Variants in SCUBE2 observed in about 807,000 individuals in gnomAD.
SCUBE2 encodes signal peptide, CUB and EGF-like domain-containing protein 2.
A neutral mutation model predicts 125.9 loss-of-function variants in SCUBE2; 114 were observed. The observed-to-expected ratio is 0.91, with a 90% CI of 0.78 to 1.06. The LOEUF (loss-of-function observed/expected upper bound fraction) is 1.06, where lower values mean the gene tolerates loss of function less well. Ranked by LOEUF, SCUBE2 falls within the 50% of genes least tolerant of loss-of-function variation. SCUBE2 has a pLI of 0.00. For synonymous variants in SCUBE2, 459 were observed against 492.9 expected (o/e 0.93, Z 0.91); for missense variants, 1,255 against 1,301.8 (o/e 0.96, Z 0.55).
chr11:9,054,393 C>A (rs60719227), intron 10 of SCUBE2, among the ~76,000 whole-genome samples: 3,738 of 152,156 alleles, frequency 0.025, 166 homozygotes, highest in African/African-American at 0.085. Context: ...ACTGCACAGA[C>A]TTCTATTTTA....
intron 16 of SCUBE2, among the ~76,000 whole-genome samples, chr11:9,040,026 T>G (rs1857075619): frequency 6.6e-6 from 1 of 152,174 alleles, no homozygotes; most frequent in African/African-American, 2.4e-5. Context: ...TGGGCGCATC[T>G]TCTGCTCCTA....
intron 3 of SCUBE2, among the ~76,000 whole-genome samples, chr11:9,078,547 C>G (rs1157444754): frequency 1.3e-5 from 2 of 152,204 alleles, no homozygotes; most frequent in African/African-American, 2.4e-5. Flanking sequence ...TCCTACCACA[C>G]CATAAGGGGG....
intron 10 of SCUBE2, among the ~76,000 whole-genome samples, chr11:9,055,337 C>A (rs1330517289): frequency 1.3e-5 from 2 of 152,212 alleles, no homozygotes; most frequent in African/African-American, 2.4e-5. Context: ...CTGCTTCCAG[C>A]TCAAAGACCT....
chr11:9,025,600 C>CT (rs1236055280), intron 21 of SCUBE2, 102 bp downstream of exon 21: 11 of 1,425,478 alleles, frequency 7.7e-6, no homozygotes, highest in African/African-American at 1.4e-5. Flanking sequence ...TCTTGCCTGC[C>CT]TTTCTGAGCA....
chr11:9,071,053 C>T (rs1266282625), intron 4 of SCUBE2, among the ~76,000 whole-genome samples: 4 of 152,162 alleles, frequency 2.6e-5, no homozygotes, highest in African/African-American at 7.2e-5. Flanking sequence ...ACTGAGATGG[C>T]GCGGGAGGTG....
At chr11:9,059,222 G>T in intron 9 of SCUBE2, 81 bp downstream of exon 9, 1 of 1,524,660 alleles carries the variant, frequency 6.6e-7, no homozygotes, top group Non-Finnish European at 8.9e-7. Flanking sequence ...TGATAAGCCA[G>T]TCTCTGCCAG....
rs375812318 is a variant in SCUBE2 at position 9,079,390 on chromosome 11, A to G, written c.376T>C (p.Cys126Arg). 1 of 1,613,946 alleles carries G rather than the reference A, an allele frequency of 6.2e-7. No individual in the cohort carries two copies. Among genetic ancestry groups the G allele is most frequent in the Non-Finnish European group, 8.5e-7 (1 of 1,179,962 alleles). The part of the protein sequence containing the change: ...GFMLAHDGHN[C>R]LDVDECLENN... ...TTCCAAATGCCTTCCTTACCAAGACAATTATGACCGTCATGAGCCAACATG... is the reference window on the plus strand; with the variant it reads ...TTCCAAATGCCTTCCTTACCAAGACGATTATGACCGTCATGAGCCAACATG... Residue 126 changes from cysteine to arginine, a missense_variant, in exon 3 of 23, where the codon TGT (cysteine) becomes CGT (arginine). Physicochemically the swap from Cys to Arg is radical, Grantham distance 180. Coordinates refer to ENST00000649792, the MANE Select transcript of SCUBE2 (RefSeq NM_001367977.2).
intron 18 of SCUBE2, 102 bp from the exon 19 acceptor site, chr11:9,030,147 C>T: frequency 7.4e-7 from 1 of 1,349,196 alleles, no homozygotes; most frequent in Non-Finnish European, 1.0e-6. Context: ...TGTTTATGTG[C>T]AAATGAAGTA....
intron 10 of SCUBE2, among the ~76,000 whole-genome samples, chr11:9,054,686 T>C (rs1190412985): frequency 1.5e-5 from 2 of 134,170 alleles, no homozygotes; most frequent in East Asian, 4.6e-4. Context: ...TAACTGTCAG[T>C]AGCAAAGCAC....
In SCUBE2 at chr11:9,062,765, G is replaced by A. The variant is rs544456287; in HGVS notation, c.851-2241C>T. On this transcript the variant is annotated intron_variant, in intron 7 of 22. Transcript: ENST00000649792. ...AAAACTTTATCCTGTGCAAAGATTA[G>A]AAGAAAAAAATGAAAACTCTCCTAG... 1.2e-4 allele frequency among the ~76,000 whole-genome samples: 18 copies of A among 145,560 alleles called. No individual in the cohort carries two copies. In the East Asian group the frequency reaches 3.6e-3, roughly 29 times the overall value.
intron 22 of SCUBE2, among the ~76,000 whole-genome samples, 184 bp downstream of exon 22, chr11:9,021,692 A>G (rs1855304930): frequency 6.6e-6 from 1 of 152,224 alleles, no homozygotes; most frequent in African/African-American, 2.4e-5. Context: ...TCACTTGACA[A>G]CACTAAAGAC....
At chr11:9,051,358 A>C (rs1858396009) in intron 13 of SCUBE2, among the ~76,000 whole-genome samples, 1 of 152,142 alleles carries the variant, frequency 6.6e-6, no homozygotes, top group South Asian at 2.1e-4. Context: ...AAAGGCCAGA[A>C]TCCCCCAGTT....
chr11:9,087,612 C>T (rs1862212677), intron 2 of SCUBE2, among the ~76,000 whole-genome samples: 1 of 152,176 alleles, frequency 6.6e-6, no homozygotes, highest in Non-Finnish European at 1.5e-5. Flanking sequence ...AGGACCACAC[C>T]TTCTCCAATG....
chr11:9,071,080 G>A (rs1860753601), intron 4 of SCUBE2, among the ~76,000 whole-genome samples: 1 of 152,210 alleles, frequency 6.6e-6, no homozygotes, highest in African/African-American at 2.4e-5. Flanking sequence ...GCCTCTAGAA[G>A]CAGTGTCCTG....
intron 2 of SCUBE2, among the ~76,000 whole-genome samples, chr11:9,082,048 C>T (rs945431283): frequency 1.3e-5 from 2 of 152,112 alleles, no homozygotes; most frequent in African/African-American, 4.8e-5. Flanking sequence ...AATAGTAGCT[C>T]CCATTTGTAG....
At chr11:9,053,589 G>A (rs746240396) in intron 11 of SCUBE2, 48 bp downstream of exon 11, 1 of 1,604,302 alleles carries the variant, frequency 6.2e-7, no homozygotes, top group Non-Finnish European at 8.5e-7. Context: ...ACTGCCTCTG[G>A]GCCAGTGGCC....
chr11:9,069,336 T>C (rs774356906), intron 5 of SCUBE2, 34 bp downstream of exon 5: 1 of 1,612,364 alleles, frequency 6.2e-7, no homozygotes, highest in East Asian at 2.2e-5. Context: ...AATACGACGG[T>C]TCCCATGGCA....
In SCUBE2 at chr11:9,082,512, G is replaced by A. The variant is rs539251499; in HGVS notation, c.257-3003C>T. Among the ~76,000 whole-genome samples the A allele has an allele frequency of 4.1e-3, 617 of 151,970 alleles. 3 individuals are homozygous for A. Among genetic ancestry groups the A allele is most frequent in the Middle Eastern group, 6.8e-3 (2 of 292 alleles). On this transcript the variant is annotated intron_variant, in intron 2 of 22. Transcript: ENST00000649792. ...AAATGAAAATTTATGTCTATACAAA[G>A]ACTTTCATGCAAGTGTTCACAGCAA...
At chr11:9,073,211 G>C (rs1275326629) in intron 4 of SCUBE2, among the ~76,000 whole-genome samples, 1 of 152,164 alleles carries the variant, frequency 6.6e-6, no homozygotes, top group Non-Finnish European at 1.5e-5. Flanking sequence ...CATTGGACAA[G>C]AGTGCAGGGC....
Sources: gnomAD v4.1 joint callset for allele counts (sites outside exome capture counted in the v4.1 genomes callset) on GRCh38, gnomAD v4.1.1 for gene constraint, MANE v1.5 for transcripts, NCBI Gene and HGNC (gene_info 2026-07-23, HGNC 2026-07-21) for gene names.